CSMD3: variants seen among roughly 807,000 people sequenced by gnomAD.
CSMD3 encodes CUB and Sushi multiple domains 3, also known as CUB and sushi domain-containing protein 3.
In CSMD3, 177 loss-of-function variants were observed where a neutral mutation model predicts 435.2. The observed-to-expected ratio is 0.41, with a 90% CI of 0.36 to 0.46. The LOEUF is 0.46. CSMD3 is among the 20% of genes least tolerant of loss of function. The probability of loss-of-function intolerance (pLI) is 0.34; values close to 1 mark genes in which losing one functional copy is unlikely to be tolerated. For synonymous variants in CSMD3, 1,656 were observed against 1,520.5 expected, an observed-to-expected ratio of 1.09 and a Z score of -2.07; for missense variants, 4,265 against 4,504.6, an observed-to-expected ratio of 0.95 and a Z score of 1.52.
At chr8:113,198,463 A>G (rs569116356) in intron 3 of CSMD3, among the ~76,000 whole-genome samples, 2 of 151,348 alleles carry the variant, frequency 1.3e-5, no homozygotes, top group East Asian at 3.9e-4. Context: ...ATCAGCTCCA[A>G]TTTTTGGAGC....
chr8:113,410,951 A>AAGAG (rs1554633076), intron 1 of CSMD3, among the ~76,000 whole-genome samples: 32 of 143,458 alleles, frequency 2.2e-4, no homozygotes, highest in East Asian at 1.2e-3. Context: ...GAAAGAAAGA[A>AAGAG]AGAGAAGGGA....
At chr8:113,132,583 A>G (rs879737982) in intron 4 of CSMD3, among the ~76,000 whole-genome samples, 2 of 152,102 alleles carry the variant, frequency 1.3e-5, no homozygotes, top group Non-Finnish European at 2.9e-5. Flanking sequence ...CTTCCCAGTC[A>G]TGCTTCTTTT....
chr8:113,367,024 T>C (rs1332239251), intron 1 of CSMD3, among the ~76,000 whole-genome samples: 1 of 151,964 alleles, frequency 6.6e-6, no homozygotes, highest in African/African-American at 2.4e-5. Context: ...GAGTACTTTT[T>C]TTAAGGTTGA....
chr8:112,544,718 T>A (rs558567431), intron 27 of CSMD3, among the ~76,000 whole-genome samples: 1 of 152,324 alleles, frequency 6.6e-6, no homozygotes, highest in African/African-American at 2.4e-5. Context: ...TTCACAAGGA[T>A]TGGTTTTTGT....
Position 112,453,103 on chromosome 8 carries a change from G to A in CSMD3, c.5395+19488C>T, listed in dbSNP as rs186467319. Among the ~76,000 whole-genome samples the A allele has an allele frequency of 2.2e-4, 34 of 152,214 alleles. No homozygotes were observed. The East Asian group carries it at 6.2e-3, about 28-fold the overall frequency. On this transcript the variant is annotated intron_variant, in intron 32 of 70. Coordinates refer to ENST00000297405, the MANE Select transcript of CSMD3 (RefSeq NM_198123.2). The stretch of plus-strand genomic sequence containing the variant: ...TCCTCAAATGAAAAAACTTGAACAA[G>A]TAACTTTATCAAAGTTACCAGTAAG...
intron 6 of CSMD3, among the ~76,000 whole-genome samples, chr8:113,009,472 T>G (rs2086176762): frequency 6.6e-6 from 1 of 151,846 alleles, no homozygotes; most frequent in Non-Finnish European, 1.5e-5. Flanking sequence ...CACTCTGTTT[T>G]CCAATCTTAG....
At chr8:112,583,015 T>C (rs1322744172) in intron 23 of CSMD3, among the ~76,000 whole-genome samples, 1 of 152,024 alleles carries the variant, frequency 6.6e-6, no homozygotes, top group Non-Finnish European at 1.5e-5. Context: ...TATTCTGTTA[T>C]AACAGCTCAC....
intron 22 of CSMD3, among the ~76,000 whole-genome samples, chr8:112,610,098 G>C (rs1777982411): frequency 6.6e-6 from 1 of 152,028 alleles, no homozygotes; most frequent in Non-Finnish European, 1.5e-5. Flanking sequence ...CAGACACACA[G>C]CATGATTACT....
intron 31 of CSMD3, among the ~76,000 whole-genome samples, chr8:112,485,940 C>CTTT (rs549602181): frequency 1.3e-4 from 18 of 139,146 alleles, no homozygotes; most frequent in East Asian, 1.0e-3. Context: ...TGACTTAAAT[C>CTTT]TTTTTTTTTT....
At chr8:112,732,243 A>G (rs1244347780) in intron 13 of CSMD3, among the ~76,000 whole-genome samples, 2 of 152,156 alleles carry the variant, frequency 1.3e-5, no homozygotes, top group Non-Finnish European at 2.9e-5. Context: ...CTAAGGAAGT[A>G]AACTATCAGC....
chr8:112,241,704 A>G lies in CSMD3; in HGVS notation c.10468+16T>C. ...TAGAAATAATGAACTCTAGAAAAAC[A>G]AATGACATTACTAACCACTTAGCTT... On this transcript the variant is annotated intron_variant, in intron 66 of 70. Transcript: ENST00000297405. 6.3e-7 allele frequency: 1 copy of G among 1,590,232 alleles called. No individual in the cohort carries two copies. Among genetic ancestry groups the G allele is most frequent in the South Asian group, 1.1e-5 (1 of 90,574 alleles).
intron 24 of CSMD3, among the ~76,000 whole-genome samples, chr8:112,567,304 T>C (rs536686576): frequency 6.6e-6 from 1 of 152,260 alleles, no homozygotes; most frequent in East Asian, 1.9e-4. Flanking sequence ...TCTGAACAAA[T>C]TAGCTAAAGT....
At chr8:112,982,640 T>C (rs10093481) in intron 6 of CSMD3, among the ~76,000 whole-genome samples, 18,882 of 151,926 alleles carry the variant, frequency 0.12, 2,065 homozygotes, top group African/African-American at 0.29. Flanking sequence ...CTCATTTTCA[T>C]ACCCTTGTTT....
In CSMD3 at chr8:112,674,892, A is replaced by C. The variant is rs186149517; in HGVS notation, c.2677+7550T>G. Among the ~76,000 whole-genome samples the C allele has an allele frequency of 3.9e-5, 6 of 152,252 alleles. No individual in the cohort carries two copies. The East Asian group carries it at 1.2e-3, about 29-fold the overall frequency. ...AAGAATGAAAAACCAAACAACTTAT[A>C]ATTCAAACAGTTATAGATAGATGAA... On this transcript the variant is annotated intron_variant, in intron 16 of 70. Transcript: ENST00000297405.
Sources: gnomAD v4.1 joint callset for allele counts (sites outside exome capture counted in the v4.1 genomes callset) on GRCh38, gnomAD v4.1.1 for gene constraint, MANE v1.5 for transcripts, NCBI Gene and HGNC (gene_info 2026-07-23, HGNC 2026-07-21) for gene names.